Variants in SPATA6L observed in about 807,000 individuals in gnomAD.
SPATA6L encodes spermatogenesis associated 6 like.
SPATA6L carries 68 observed loss-of-function variants against 49.2 expected under a neutral mutation model. That is an observed-to-expected ratio of 1.38 (90% confidence interval 1.14 to 1.69). The LOEUF (loss-of-function observed/expected upper bound fraction) is 1.69. Ranked by LOEUF, SPATA6L falls within the 40% of genes most tolerant of loss-of-function variation. The probability of loss-of-function intolerance (pLI) is 0.00; values close to 1 mark genes in which losing one functional copy is unlikely to be tolerated. For synonymous variants in SPATA6L, 198 were observed against 165.7 expected (o/e 1.19, Z -1.50); for missense variants, 668 against 464.3 (o/e 1.44, Z -4.03).
rs77214252 is a variant in SPATA6L, at chr9:4,603,071, C to T, written c.*1+1108G>A. Among the ~76,000 whole-genome samples the T allele has an allele frequency of 7.8e-3, 1,194 of 152,328 alleles. 9 individuals carry two copies. The highest frequency in any genetic ancestry group is 0.012 in the Non-Finnish European group (843 of 68,022). On this transcript the variant is annotated intron_variant, in intron 11 of 11. Transcript: ENST00000682582. ...ATGTGGCTAACTACTTGCCACAGAT[C>T]TGAATTCTAGAGTTGCCTTGTTACA...
In SPATA6L at chr9:4,662,632, T is replaced by C; in HGVS notation, c.40-596A>G. 1 of 1,597,528 alleles carries C rather than the reference T, an allele frequency of 6.3e-7. No homozygotes were observed. The highest frequency in any genetic ancestry group is 8.5e-7 in the Non-Finnish European group (1 of 1,178,942). Reference sequence around the variant, plus strand: ...CCCTCGCAGTCGCCCGCGCCTCCGCTGCCCGAGGAGGACCGCATGGACTTG... The same window carrying C: ...CCCTCGCAGTCGCCCGCGCCTCCGCCGCCCGAGGAGGACCGCATGGACTTG... On this transcript the variant is annotated intron_variant, in intron 1 of 11. Coordinates refer to ENST00000682582, the MANE Select transcript of SPATA6L (RefSeq NM_001353486.2). The surrounding 1 kb of genome is among the most constrained non-coding windows in gnomAD (Gnocchi z 4.9).
chr9:4,640,595 A>C (rs896534494), intron 3 of SPATA6L, among the ~76,000 whole-genome samples: 4 of 152,200 alleles, frequency 2.6e-5, no homozygotes, highest in Non-Finnish European at 2.9e-5. Context: ...GCTAGTATCA[A>C]GGATCAGCAG....
Position 4,624,464 on chromosome 9 carries a change from A to T in SPATA6L, c.669+863T>A, listed in dbSNP as rs1445708857. Among the ~76,000 whole-genome samples, 3 of 152,206 alleles carry T rather than the reference A, an allele frequency of 2.0e-5. No homozygotes were observed. The East Asian group carries it at 5.8e-4, about 29-fold the overall frequency. On this transcript the variant is annotated intron_variant, in intron 6 of 11. Transcript: ENST00000682582. Reference sequence around the variant, plus strand: ...AAATTGTAGGCTGGTGCAGTGGCTCATGCCTGTAATCCCAGCACTTTGGGA... The same window carrying T: ...AAATTGTAGGCTGGTGCAGTGGCTCTTGCCTGTAATCCCAGCACTTTGGGA...
downstream of SPATA6L, among the ~76,000 whole-genome samples, chr9:4,594,670 G>C (rs541694361): frequency 2.6e-5 from 4 of 152,244 alleles, no homozygotes; most frequent in African/African-American, 7.2e-5. Context: ...TCAGGTGGGA[G>C]CCCCTGAGTG....
chr9:4,641,339 CCT>C (rs1833992890), intron 3 of SPATA6L, among the ~76,000 whole-genome samples: 1 of 151,830 alleles, frequency 6.6e-6, no homozygotes, highest in South Asian at 2.1e-4. Context: ...TGCTCAAGTC[CCT>C]GATATAAAAT....
Position 4,647,366 on chromosome 9 carries a change from C to T in SPATA6L, c.226+8675G>A, listed in dbSNP as rs560538100. 8.3e-4 allele frequency among the ~76,000 whole-genome samples: 126 copies of T among 152,114 alleles called. 1 individual carries two copies. The highest frequency in any genetic ancestry group is 2.6e-3 in the African/African-American group (108 of 41,500). On this transcript the variant is annotated intron_variant, in intron 3 of 11. Transcript: ENST00000682582. ...CAGCACTTTGGGAGGCCGAGGTGAG[C>T]GGATCACCTGACGTCAGGAGTTCGA...
intron 3 of SPATA6L, among the ~76,000 whole-genome samples, chr9:4,639,127 C>A (rs981969846): frequency 2.6e-5 from 4 of 152,186 alleles, no homozygotes; most frequent in African/African-American, 9.7e-5. Flanking sequence ...ATGTAGAATG[C>A]ACAGCATAGC....
downstream of SPATA6L, among the ~76,000 whole-genome samples, chr9:4,594,768 T>A (rs1376166397): frequency 6.6e-6 from 1 of 152,148 alleles, no homozygotes; most frequent in African/African-American, 2.4e-5. Context: ...CTCCTGCATT[T>A]TCTCTTCCCA....
intron 9 of SPATA6L, among the ~76,000 whole-genome samples, chr9:4,615,752 T>C (rs1401734377): frequency 6.6e-6 from 1 of 152,176 alleles, no homozygotes; most frequent in East Asian, 1.9e-4. Context: ...CAGAGACATG[T>C]CATGATGGTG....
intron 1 of SPATA6L, among the ~76,000 whole-genome samples, chr9:4,665,850 T>C (rs1840781426): frequency 6.6e-6 from 1 of 152,258 alleles, no homozygotes; most frequent in South Asian, 2.1e-4. Context: ...TTTAAAATTA[T>C]TCCCTGGTTA....
intron 2 of SPATA6L, among the ~76,000 whole-genome samples, chr9:4,656,784 T>G (rs1838340206): frequency 6.6e-6 from 1 of 152,242 alleles, no homozygotes; most frequent in Non-Finnish European, 1.5e-5. Context: ...GTTGTTTGAC[T>G]ACCTAGAAAA....
Position 4,600,367 on chromosome 9 carries a change from G to A in SPATA6L, c.*444C>T, listed in dbSNP as rs1470955118. Among the ~76,000 whole-genome samples the A allele has an allele frequency of 3.3e-5, 5 of 152,070 alleles. No individual in the cohort carries two copies. The highest frequency in any genetic ancestry group is 7.2e-5 in the African/African-American group (3 of 41,380). On this transcript the variant is annotated 3_prime_UTR_variant, in exon 12 of 12. Transcript: ENST00000682582. Reference sequence around the variant, plus strand: ...AAACAACAACAAAAACGGATCTACCGAAAAGAGAAAGTCAGGTTGATAGTC... The same window carrying A: ...AAACAACAACAAAAACGGATCTACCAAAAAGAGAAAGTCAGGTTGATAGTC...
chr9:4,628,986 G>A lies in SPATA6L; in HGVS notation c.429+105C>T, dbSNP rs1333310500. On this transcript the variant is annotated intron_variant, in intron 5 of 11. Transcript: ENST00000682582. ...GTAAAAACTTTCCAGGTTTCTACTT[G>A]TTTAGTTTCATGTAAACTTAATAAA... is the stretch of plus-strand genomic sequence containing the variant. The A allele has an allele frequency of 5.5e-6, 4 of 727,196 alleles. No individual in the cohort carries two copies. In the East Asian group the frequency reaches 1.1e-4, roughly 20 times the overall value. The allele number at this position is 727,196 out of a possible 1,614,324, so 45.0% of individuals were successfully genotyped here.
At chr9:4,653,284 G>A (rs145603953) in intron 3 of SPATA6L, among the ~76,000 whole-genome samples, 1 of 152,260 alleles carries the variant, frequency 6.6e-6, no homozygotes, top group East Asian at 1.9e-4. Flanking sequence ...ATCAAATGGT[G>A]CTAAAACAAA....
chr9:4,644,744 A>C (rs1834961552), intron 3 of SPATA6L, among the ~76,000 whole-genome samples: 1 of 151,328 alleles, frequency 6.6e-6, no homozygotes, highest in South Asian at 2.1e-4. Flanking sequence ...AACAACCCTA[A>C]AATCACCAGA....
rs765105668 is a variant in SPATA6L, at chr9:4,618,037, C to A, written c.881G>T (p.Gly294Val). Residue 294 changes from glycine (G) to valine (V), a missense_variant, in exon 9 of 12, where the codon GGA becomes GTA. By Grantham distance (109) the Gly-to-Val change is moderately radical. Transcript: ENST00000682582. Reference protein sequence around the residue: ...SSSCLDSSQFGKSSSSKQGDA... With the variant: ...SSSCLDSSQFVKSSSSKQGDA... The stretch of plus-strand genomic sequence containing the variant: ...CCCTTGTTTACTGGATGAAGACTTT[C>A]CAAACTGACTTGAATCTAAACATGA... 1.2e-6 allele frequency: 2 copies of A among 1,614,032 alleles called. No individual in the cohort carries two copies. Among genetic ancestry groups the A allele is most frequent in the South Asian group, 2.2e-5 (2 of 91,058 alleles).
intron 2 of SPATA6L, among the ~76,000 whole-genome samples, chr9:4,659,395 G>A (rs955676066): frequency 6.6e-6 from 1 of 151,698 alleles, no homozygotes; most frequent in African/African-American, 2.4e-5. Flanking sequence ...GACAAACAGA[G>A]AGCGAAATCA....
At chr9:4,648,526 C>G (rs1383561303) in intron 3 of SPATA6L, among the ~76,000 whole-genome samples, 1 of 151,742 alleles carries the variant, frequency 6.6e-6, no homozygotes, top group Non-Finnish European at 1.5e-5. Flanking sequence ...CGGTGAAACC[C>G]CGTCTCTACT....
chr9:4,662,142 C>T lies in SPATA6L; in HGVS notation c.40-106G>A. ...AAGCTCCTACAGACACTGACATTTT[C>T]CCCATCACCTCACTCCCTCACCTGT... On this transcript the variant is annotated intron_variant, in intron 1 of 11. Coordinates refer to ENST00000682582, the MANE Select transcript of SPATA6L (RefSeq NM_001353486.2). This position sits in a 1 kb window ranked among gnomAD's most constrained non-coding sequence, Gnocchi z 4.9. 2 of 1,495,572 alleles carry T rather than the reference C, an allele frequency of 1.3e-6. No individual in the cohort carries two copies. Among genetic ancestry groups the T allele is most frequent in the Non-Finnish European group, 1.8e-6 (2 of 1,121,934 alleles). The allele number at this position is 1,495,572 out of a possible 1,614,324, so 92.6% of individuals were successfully genotyped here. A position where few individuals can be genotyped will look rare whatever the true frequency, so the allele number is the denominator to read the frequency against.
Sources: allele counts gnomAD v4.1 joint callset (sites outside exome capture counted in the v4.1 genomes callset), GRCh38; gene constraint gnomAD v4.1.1; non-coding constraint Gnocchi (gnomAD v3.1); transcripts MANE v1.5; gene names NCBI Gene and HGNC (gene_info 2026-07-23, HGNC 2026-07-21).